The following VPS54 variants were observed in gnomAD, a reference collection of about 807,000 sequenced individuals.
The protein encoded by VPS54 is VPS54 subunit of GARP complex.
Under a neutral mutation model 121.5 loss-of-function variants are expected in VPS54, and 45 were observed. The ratio of observed to expected loss-of-function variants is 0.37; its 90% CI spans 0.29 to 0.47. The LOEUF (loss-of-function observed/expected upper bound fraction) is 0.47, where lower values mean the gene tolerates loss of function less well. Ranked by LOEUF, VPS54 falls within the 20% of genes least tolerant of loss-of-function variation. The pLI, the probability that VPS54 is intolerant of heterozygous loss-of-function variation, is 0.99. For synonymous variants in VPS54, 371 were observed against 385.8 expected (o/e 0.96, Z 0.45); for missense variants, 1,090 against 1,131.4 (o/e 0.96, Z 0.52).
intron 7 of VPS54, among the ~76,000 whole-genome samples, chr2:63,956,821 AAGT>A (rs1012115786): frequency 2.0e-5 from 3 of 152,134 alleles, no homozygotes. Flanking sequence ...TCATGGTATG[AAGT>A]AGTAGGAATA....
At chr2:63,899,219 T>C (rs1193149935) in intron 21 of VPS54, among the ~76,000 whole-genome samples, 4 of 152,204 alleles carry the variant, frequency 2.6e-5, no homozygotes, top group East Asian at 1.9e-4. Context: ...CTACTGATCA[T>C]GGACAAATGG....
intron 20 of VPS54, among the ~76,000 whole-genome samples, chr2:63,900,691 A>C (rs1672642364): frequency 6.6e-6 from 1 of 152,182 alleles, no homozygotes; most frequent in South Asian, 2.1e-4. Flanking sequence ...CAGTCTTCAA[A>C]GGGAAAATAA....
intron 7 of VPS54, among the ~76,000 whole-genome samples, chr2:63,958,080 T>C (rs1417607853): frequency 1.3e-5 from 2 of 152,176 alleles, no homozygotes; most frequent in South Asian, 2.1e-4. Flanking sequence ...GGTAATATAC[T>C]GAATAATTCA....
At chr2:63,906,287 C>CTTTG (rs1456050432) in intron 20 of VPS54, among the ~76,000 whole-genome samples, 4 of 151,994 alleles carry the variant, frequency 2.6e-5, no homozygotes, top group Non-Finnish European at 5.9e-5. Flanking sequence ...AAAGAATCTA[C>CTTTG]AAAATTGGCA....
intron 1 of VPS54, among the ~76,000 whole-genome samples, chr2:63,994,329 T>C (rs1318437286): frequency 6.6e-6 from 1 of 152,186 alleles, no homozygotes; most frequent in East Asian, 1.9e-4. Flanking sequence ...CCTTATACTT[T>C]CTGTCTCACC....
At chr2:63,998,557 G>C (rs553034086) in intron 1 of VPS54, among the ~76,000 whole-genome samples, 3 of 151,948 alleles carry the variant, frequency 2.0e-5, no homozygotes, top group African/African-American at 7.2e-5. Context: ...TTAATTTTTT[G>C]TGTATCTGTT....
intron 15 of VPS54, among the ~76,000 whole-genome samples, chr2:63,917,805 C>A (rs1673458665): frequency 6.6e-6 from 1 of 151,918 alleles, no homozygotes; most frequent in South Asian, 2.1e-4. Flanking sequence ...AGTCAGTCTG[C>A]CTGGATTGGA....
In VPS54 at chr2:63,949,154, T is replaced by C. The variant is rs1381038237; in HGVS notation, c.1020A>G (p.Gly340=). ...LQGIHSFRHL[G]SQLCELEKLI... The stretch of plus-strand genomic sequence containing the variant: ...GTTTTTCTAATTCACAAAGCTGTGA[T>C]CCCAAATGCCTAAAAAGGAAGAGAA... The change falls in exon 8 of 23, where the codon GGA becomes GGG. Residue 340 remains glycine (G), a synonymous_variant. Transcript: ENST00000272322. 10 of 1,606,688 alleles carry C rather than the reference T, an allele frequency of 6.2e-6. No homozygotes were observed. The highest frequency in any genetic ancestry group is 1.9e-4 in the Middle Eastern group (1 of 5,352).
chr2:63,970,471 T>C (rs1334546737), intron 4 of VPS54, among the ~76,000 whole-genome samples: 1 of 151,758 alleles, frequency 6.6e-6, no homozygotes, highest in Non-Finnish European at 1.5e-5. Flanking sequence ...ATCTCAAATC[T>C]TCTAGTGACA....
chr2:63,912,475 T>A (rs747705677), intron 19 of VPS54, 50 bp from the exon 20 acceptor site: 2 of 1,609,456 alleles, frequency 1.2e-6, no homozygotes, highest in Non-Finnish European at 8.5e-7. Context: ...GACACATTTT[T>A]AAAATACTTA....
At chr2:63,933,569 TA>T in intron 12 of VPS54, 103 bp downstream of exon 12, 2 of 1,101,832 alleles carry the variant, frequency 1.8e-6, no homozygotes, top group East Asian at 2.6e-5. Flanking sequence ...TGTTAAATTC[TA>T]AAATTTACAT....
chr2:63,957,366 C>T (rs185441200), intron 7 of VPS54, among the ~76,000 whole-genome samples: 19 of 149,680 alleles, frequency 1.3e-4, no homozygotes, highest in East Asian at 3.9e-4. Context: ...GGCGTGAATC[C>T]GGGAGGCGGA....
At chr2:63,928,245 G>A (rs573528065) in intron 12 of VPS54, among the ~76,000 whole-genome samples, 1 of 152,322 alleles carries the variant, frequency 6.6e-6, no homozygotes, top group African/African-American at 2.4e-5. Context: ...AGGAAAAAAT[G>A]TTAAGGGCAG....
At chr2:64,003,318 C>G (rs1677971431) in intron 1 of VPS54, among the ~76,000 whole-genome samples, 1 of 152,208 alleles carries the variant, frequency 6.6e-6, no homozygotes, top group Non-Finnish European at 1.5e-5. Context: ...TAATGAGAAT[C>G]TATAAATAGC....
chr2:64,007,104 C>T (rs1678195722), intron 1 of VPS54, among the ~76,000 whole-genome samples: 1 of 152,176 alleles, frequency 6.6e-6, no homozygotes, highest in Non-Finnish European at 1.5e-5. Context: ...ACAGCAATAA[C>T]AAACTAAACC....
chr2:63,963,548 A>G (rs1675861218), intron 6 of VPS54, among the ~76,000 whole-genome samples: 1 of 152,152 alleles, frequency 6.6e-6, no homozygotes, highest in Non-Finnish European at 1.5e-5. Flanking sequence ...ATAAGATTAG[A>G]AGAGACTATT....
chr2:64,002,467 A>AG (rs1263299677), intron 1 of VPS54, among the ~76,000 whole-genome samples: 1 of 152,242 alleles, frequency 6.6e-6, no homozygotes, highest in Admixed American at 6.5e-5. Context: ...TGAAGTGTTA[A>AG]GCCACAGACA....
intron 1 of VPS54, among the ~76,000 whole-genome samples, chr2:63,995,316 A>G (rs1308810170): frequency 1.3e-5 from 2 of 152,220 alleles, no homozygotes; most frequent in African/African-American, 4.8e-5. Context: ...TCATTTATAC[A>G]CTTGTATTAA....
rs141559704 is a variant in VPS54, at chr2:63,991,408, A to G, written c.-20-7389T>C. 2.8e-4 allele frequency among the ~76,000 whole-genome samples: 43 copies of G among 152,318 alleles called. No homozygotes were observed. The East Asian group carries it at 8.1e-3, about 29-fold the overall frequency. Reference sequence around the variant, plus strand: ...TACCTGATCACGAGGTGTTCCCTGCATATATTAAAGCTTGTGAAGGCATTG... The same window carrying G: ...TACCTGATCACGAGGTGTTCCCTGCGTATATTAAAGCTTGTGAAGGCATTG... On this transcript the variant is annotated intron_variant, in intron 1 of 22. Coordinates refer to ENST00000272322, the MANE Select transcript of VPS54 (RefSeq NM_016516.3).
Sources: allele counts gnomAD v4.1 joint callset (sites outside exome capture counted in the v4.1 genomes callset), GRCh38; gene constraint gnomAD v4.1.1; transcripts MANE v1.5; gene names NCBI Gene and HGNC (gene_info 2026-07-23, HGNC 2026-07-21).